COL25A1: variants seen among roughly 807,000 people sequenced by gnomAD.
The protein encoded by COL25A1 is collagen alpha-1(XXV) chain.
A neutral mutation model predicts 128.4 loss-of-function variants in COL25A1; 103 were observed. The ratio of observed to expected loss-of-function variants is 0.80; its 90% confidence interval spans 0.68 to 0.94. The LOEUF (loss-of-function observed/expected upper bound fraction) is 0.94, where lower values mean the gene tolerates loss of function less well. COL25A1 is among the 40% of genes least tolerant of loss of function. The pLI is 0.00. For missense variants in COL25A1, 745 were observed against 840.0 expected, an observed-to-expected ratio of 0.89 and a Z score of 1.40; for synonymous variants, 279 against 277.2, an observed-to-expected ratio of 1.01 and a Z score of -0.06.
chr4:109,119,044 G>A (rs1767873400), intron 3 of COL25A1, among the ~76,000 whole-genome samples: 1 of 151,348 alleles, frequency 6.6e-6, no homozygotes, highest in Non-Finnish European at 1.5e-5. Context: ...GAATGAAACT[G>A]GAAATCAAAA....
intron 6 of COL25A1, among the ~76,000 whole-genome samples, chr4:109,006,155 GA>G (rs376790501): frequency 5.3e-4 from 79 of 148,328 alleles, no homozygotes; most frequent in African/African-American, 1.9e-3. Context: ...GAAATTTTAA[GA>G]AAAATTTGAT....
rs58157157 is a variant in COL25A1 at position 108,886,492 on chromosome 4, G to GTGTGTGTGTGTGTTTTTT, written c.976-2271_976-2270insAAAAAACACACACACACA. The stretch of plus-strand genomic sequence containing the variant: ...TGTGTGTGTGTGTGTGTGTGTGTGT[G>GTGTGTGTGTGTGTTTTTT]TTTAGCTCATCAGCTATTTTATGTG... On this transcript the variant is annotated intron_variant, in intron 18 of 37. Transcript: ENST00000399132. Among the ~76,000 whole-genome samples the GTGTGTGTGTGTGTTTTTT allele has an allele frequency of 4.4e-4, 48 of 109,272 alleles. 1 individual carries two copies. The highest frequency in any genetic ancestry group is 2.6e-3 in the Admixed American group (29 of 11,128). The allele number at this position is 109,272 out of a possible 152,430, so 71.7% of individuals were successfully genotyped here.
At chr4:108,974,313 A>G in intron 8 of COL25A1, 54 bp downstream of exon 8, 1 of 1,590,456 alleles carries the variant, frequency 6.3e-7, no homozygotes, top group Non-Finnish European at 8.6e-7. Flanking sequence ...TTCATTCAAT[A>G]AACTTGGAGT....
chr4:109,136,718 G>A (rs1474403744), intron 3 of COL25A1, among the ~76,000 whole-genome samples: 1 of 152,186 alleles, frequency 6.6e-6, no homozygotes, highest in Non-Finnish European at 1.5e-5. Flanking sequence ...ATGTGTGGCG[G>A]GCAGCCGCTG....
intron 35 of COL25A1, among the ~76,000 whole-genome samples, chr4:108,821,735 T>C (rs1238739796): frequency 6.6e-6 from 1 of 152,198 alleles, no homozygotes; most frequent in Non-Finnish European, 1.5e-5. Flanking sequence ...ATGTTATTAT[T>C]AGTCAGCATT....
intron 3 of COL25A1, among the ~76,000 whole-genome samples, chr4:109,270,758 C>G (rs1782137132): frequency 6.6e-6 from 1 of 152,124 alleles, no homozygotes; most frequent in South Asian, 2.1e-4. Context: ...TTTTTTGAGA[C>G]TATACTATGT....
At chr4:108,860,815 T>C in intron 23 of COL25A1, 112 bp downstream of exon 23, 2 of 906,204 alleles carry the variant, frequency 2.2e-6, no homozygotes, top group South Asian at 1.4e-5. Flanking sequence ...CTACCTCCAA[T>C]ACTATTATTA....
chr4:108,878,764 G>T (rs971398625), intron 19 of COL25A1, among the ~76,000 whole-genome samples: 3 of 152,022 alleles, frequency 2.0e-5, no homozygotes, highest in Admixed American at 2.0e-4. Context: ...CTTACATCAT[G>T]AAAGCATATT....
chr4:108,948,727 G>A (rs1323447490), intron 8 of COL25A1, among the ~76,000 whole-genome samples: 2 of 152,086 alleles, frequency 1.3e-5, no homozygotes, highest in African/African-American at 2.4e-5. Context: ...GATGATAAGT[G>A]TAACTTTATA....
intron 6 of COL25A1, among the ~76,000 whole-genome samples, chr4:109,001,419 A>AGGCATCTGAGATCCTGTCAGGTG: frequency 6.6e-6 from 1 of 152,266 alleles, no homozygotes; most frequent in African/African-American, 2.4e-5. Flanking sequence ...CCTGTCAGGT[A>AGGCATCTGAGATCCTGTCAGGTG]GGCAGTGAGC....
chr4:109,178,184 G>A (rs1319680164), intron 3 of COL25A1, among the ~76,000 whole-genome samples: 1 of 152,110 alleles, frequency 6.6e-6, no homozygotes. Context: ...ATTCAAATAA[G>A]GTGTAACAAA....
chr4:109,201,907 A>T (rs1776584420), intron 3 of COL25A1, among the ~76,000 whole-genome samples: 1 of 152,236 alleles, frequency 6.6e-6, no homozygotes, highest in Non-Finnish European at 1.5e-5. Flanking sequence ...AAAGAAAGAT[A>T]CAAATCTAAT....
At chr4:109,215,863 C>A (rs1456791887) in intron 3 of COL25A1, among the ~76,000 whole-genome samples, 1 of 152,072 alleles carries the variant, frequency 6.6e-6, no homozygotes, top group Admixed American at 6.6e-5. Flanking sequence ...ATTCTAAAAT[C>A]AAATCTATAT....
intron 5 of COL25A1, chr4:109,021,679 C>T: frequency 4.4e-6 from 2 of 450,902 alleles, no homozygotes; most frequent in Non-Finnish European, 8.9e-6. Flanking sequence ...TTGCAGAGAG[C>T]CTATAAATGG....
At position 109,194,551 on chromosome 4, in the gene COL25A1, T is replaced by TGAGAG. The variant is rs111457627; in HGVS notation, c.367+106031_367+106032insCTCTC. ...TACCCCATGGAGTATATAGAAGGAGTGAGGAGAAAGATATATAATTAGGAA... is the reference window on the plus strand; with the variant it reads ...TACCCCATGGAGTATATAGAAGGAGTGAGAGGAGGAGAAAGATATATAATTAGGAA... On this transcript the variant is annotated intron_variant, in intron 3 of 37. Coordinates refer to ENST00000399132, the MANE Select transcript of COL25A1 (RefSeq NM_198721.4). 2.3e-3 allele frequency among the ~76,000 whole-genome samples: 344 copies of TGAGAG among 151,792 alleles called. 1 individual carries two copies. Among genetic ancestry groups the TGAGAG allele is most frequent in the African/African-American group, 7.6e-3 (316 of 41,366 alleles).
At chr4:109,169,407 T>C (rs940586425) in intron 3 of COL25A1, among the ~76,000 whole-genome samples, 7 of 152,218 alleles carry the variant, frequency 4.6e-5, no homozygotes, top group South Asian at 2.1e-4. Flanking sequence ...CTCATATTTG[T>C]GTGTATTCCC....
chr4:108,970,516 A>G (rs1467305712), intron 8 of COL25A1, among the ~76,000 whole-genome samples: 2 of 152,202 alleles, frequency 1.3e-5, no homozygotes, highest in Non-Finnish European at 2.9e-5. Context: ...CGATGGCTAT[A>G]TCAGGCTAAT....
intron 3 of COL25A1, among the ~76,000 whole-genome samples, chr4:109,272,075 A>C (rs993659817): frequency 3.3e-5 from 5 of 151,996 alleles, no homozygotes; most frequent in African/African-American, 9.7e-5. Flanking sequence ...ATCTCTACAA[A>C]AAATACAAAA....
At chr4:108,969,390 G>T (rs1351127385) in intron 8 of COL25A1, among the ~76,000 whole-genome samples, 2 of 152,136 alleles carry the variant, frequency 1.3e-5, no homozygotes, top group East Asian at 3.8e-4. Context: ...CTTGAAGCAG[G>T]CTTCCTGCAA....
Sources: gnomAD v4.1 joint callset for allele counts (sites outside exome capture counted in the v4.1 genomes callset) on GRCh38, gnomAD v4.1.1 for gene constraint, MANE v1.5 for transcripts, NCBI Gene and HGNC (gene_info 2026-07-23, HGNC 2026-07-21) for gene names.